The following TLK2 variants were observed in gnomAD, a reference collection of about 807,000 sequenced individuals.
The protein encoded by TLK2 is tousled like kinase 2, also known as serine/threonine-protein kinase tousled-like 2.
A neutral mutation model predicts 117.3 loss-of-function variants in TLK2; 6 were observed. That is an observed-to-expected ratio of 0.05 (90% confidence interval 0.03 to 0.10). TLK2 has a LOEUF of 0.10. TLK2 is among the 10% of genes least tolerant of loss of function. TLK2 has a pLI of 1.00. For missense variants in TLK2, 299 were observed against 901.2 expected, an observed-to-expected ratio of 0.33 and a Z score of 8.56; for synonymous variants, 257 against 316.7, an observed-to-expected ratio of 0.81 and a Z score of 2.00.
intron 1 of TLK2, among the ~76,000 whole-genome samples, chr17:62,480,838 T>C (rs759210184): frequency 6.6e-6 from 1 of 152,222 alleles, no homozygotes; most frequent in Non-Finnish European, 1.5e-5. Context: ...ACAGAAATTA[T>C]ATGAAGGGTT....
intron 11 of TLK2, among the ~76,000 whole-genome samples, chr17:62,572,131 C>A (rs1402918474): frequency 6.7e-6 from 1 of 149,202 alleles, no homozygotes; most frequent in Admixed American, 6.8e-5. Context: ...GAGCTGAGAT[C>A]GTGCCACTGC....
chr17:62,533,376 G>GTGTGTC (rs1357547796), intron 6 of TLK2, among the ~76,000 whole-genome samples: 1 of 145,080 alleles, frequency 6.9e-6, no homozygotes, highest in South Asian at 2.2e-4. Flanking sequence ...GGGTGTGTGT[G>GTGTGTC]TGTGTGTGTG....
intron 17 of TLK2, among the ~76,000 whole-genome samples, chr17:62,599,324 T>TC (rs1372554967): frequency 1.3e-5 from 2 of 152,218 alleles, no homozygotes; most frequent in African/African-American, 2.4e-5. Context: ...ACCATGTGTG[T>TC]CCATGTTCAA....
intron 2 of TLK2, among the ~76,000 whole-genome samples, chr17:62,519,124 A>G (rs1481434349): frequency 6.6e-6 from 1 of 152,144 alleles, no homozygotes; most frequent in African/African-American, 2.4e-5. Context: ...AGCTCAAGGG[A>G]TCCACCCACC....
intron 2 of TLK2, among the ~76,000 whole-genome samples, chr17:62,510,655 G>A (rs1374945513): frequency 2.0e-5 from 3 of 152,160 alleles, no homozygotes; most frequent in Non-Finnish European, 2.9e-5. Context: ...GCCTCATATT[G>A]TAGTCCCTCT....
At chr17:62,495,211 C>T (rs1048149941) in intron 2 of TLK2, among the ~76,000 whole-genome samples, 11 of 151,796 alleles carry the variant, frequency 7.2e-5, no homozygotes, top group Admixed American at 5.3e-4. Context: ...ACCTCATGGC[C>T]GGGCATGAGG....
intron 2 of TLK2, chr17:62,516,528 A>G: frequency 1.2e-6 from 2 of 1,609,006 alleles, no homozygotes; most frequent in South Asian, 1.1e-5. Context: ...GAAGGTAATC[A>G]CGGAGATACT....
chr17:62,476,064 G>A (rs1232946471), upstream of TLK2, among the ~76,000 whole-genome samples: 4 of 152,224 alleles, frequency 2.6e-5, no homozygotes, highest in South Asian at 6.2e-4. Context: ...TGCAACCTCC[G>A]CCTCCTGGGT....
intron 6 of TLK2, among the ~76,000 whole-genome samples, chr17:62,526,538 A>G (rs1479999990): frequency 6.6e-6 from 1 of 152,190 alleles, no homozygotes; most frequent in African/African-American, 2.4e-5. Flanking sequence ...CTAGCCCTTC[A>G]CATGGGGTCT....
chr17:62,518,263 C>T (rs547391629), intron 2 of TLK2, among the ~76,000 whole-genome samples: 10 of 152,048 alleles, frequency 6.6e-5, no homozygotes, highest in South Asian at 4.2e-4. Flanking sequence ...AAATGAAGAA[C>T]GGAAAAATGT....
intron 7 of TLK2, among the ~76,000 whole-genome samples, chr17:62,537,312 T>C (rs1470751934): frequency 4.6e-5 from 7 of 152,248 alleles, no homozygotes; most frequent in Admixed American, 1.3e-4. Context: ...GTGCATGATA[T>C]GGAATGTTTT....
At chr17:62,564,928 T>C in intron 10 of TLK2, 73 bp from the exon 11 acceptor site, 1 of 1,518,256 alleles carries the variant, frequency 6.6e-7, no homozygotes, top group East Asian at 2.3e-5. Flanking sequence ...ATGTTAAATG[T>C]TTTAGTTTCT....
rs1201247747 is a variant in TLK2, at chr17:62,574,348, C to T, written c.1121+981C>T. On this transcript the variant is annotated intron_variant, in intron 12 of 21. Transcript: ENST00000346027. ...TTAAATGCTTATTTTATGCTAGGCC[C>T]TCTTCTGGGAATACAGAGCTAAAGG... 1.9e-6 allele frequency: 3 copies of T among 1,546,650 alleles called. No homozygotes were observed. The South Asian group carries it at 3.5e-5, about 18-fold the overall frequency.
intron 15 of TLK2, chr17:62,585,933 C>T: frequency 2.2e-6 from 1 of 445,126 alleles, no homozygotes; most frequent in Non-Finnish European, 4.1e-6. Context: ...TTCTAAATCC[C>T]TTGGTGCCAG....
chr17:62,543,536 G>A (rs2077694370), intron 7 of TLK2, among the ~76,000 whole-genome samples: 1 of 152,042 alleles, frequency 6.6e-6, no homozygotes, highest in African/African-American at 2.4e-5. Context: ...CATCCTAGTG[G>A]GTGTTAAGTG....
chr17:62,547,111 A>G (rs1188934191), intron 7 of TLK2, among the ~76,000 whole-genome samples: 3 of 152,278 alleles, frequency 2.0e-5, no homozygotes, highest in African/African-American at 7.2e-5. Flanking sequence ...GTTTCAGTTT[A>G]TGAAATGAAC....
At chr17:62,575,340 CAG>C (rs1470366784) in intron 12 of TLK2, among the ~76,000 whole-genome samples, 2 of 152,186 alleles carry the variant, frequency 1.3e-5, no homozygotes, top group African/African-American at 2.4e-5. Context: ...CTGTTTCAGA[CAG>C]AGAATTCTTA....
chr17:62,529,812 C>G (rs1476150202), intron 6 of TLK2, among the ~76,000 whole-genome samples: 1 of 151,750 alleles, frequency 6.6e-6, no homozygotes, highest in East Asian at 1.9e-4. Flanking sequence ...TAATTTCTTG[C>G]TTCCATTTAG....
At chr17:62,495,758 A>C (rs1288925692) in intron 2 of TLK2, among the ~76,000 whole-genome samples, 1 of 151,268 alleles carries the variant, frequency 6.6e-6, no homozygotes, top group Non-Finnish European at 1.5e-5. Context: ...TCCCAGGTTC[A>C]AGCGATTCTC....
Sources: allele counts gnomAD v4.1 joint callset (sites outside exome capture counted in the v4.1 genomes callset), GRCh38; gene constraint gnomAD v4.1.1; transcripts MANE v1.5; gene names NCBI Gene and HGNC (gene_info 2026-07-23, HGNC 2026-07-21).